Variants in PCDH9 observed in about 807,000 individuals in gnomAD.
The protein encoded by PCDH9 is protocadherin 9.
PCDH9 carries 24 observed loss-of-function variants against 70.6 expected under a neutral mutation model. The ratio of observed to expected loss-of-function variants is 0.34; its 90% CI spans 0.25 to 0.48. PCDH9 has a LOEUF of 0.48. Among genes scored for constraint, PCDH9 ranks in the 20% least tolerant of loss-of-function variants. The pLI, the probability that PCDH9 is intolerant of heterozygous loss-of-function variation, is 0.99. For missense variants in PCDH9, 1,281 were observed against 1,503.6 expected (o/e 0.85, Z 2.45); for synonymous variants, 562 against 558.5 (o/e 1.01, Z -0.09).
chr13:67,070,578 A>G (rs1164708551), intron 2 of PCDH9, among the ~76,000 whole-genome samples: 3 of 152,170 alleles, frequency 2.0e-5, no homozygotes, highest in South Asian at 2.1e-4. Flanking sequence ...CAAGCAAAAC[A>G]ACTATTTTAT....
In PCDH9 at chr13:67,115,635, G is replaced by A. The variant is rs141214254; in HGVS notation, c.3036+109770C>T. Among the ~76,000 whole-genome samples the A allele has an allele frequency of 4.1e-3, 629 of 152,244 alleles. 5 individuals are homozygous for A. The highest frequency in any genetic ancestry group is 7.3e-3 in the Non-Finnish European group (496 of 68,016). On this transcript the variant is annotated intron_variant, in intron 2 of 4. Transcript: ENST00000377865. The stretch of plus-strand genomic sequence containing the variant: ...GCAAATAATTTCTATTCATAAAAAT[G>A]CAAATGTCTCCAGTGAAATGCAATT...
chr13:67,182,140 C>CTATATCCTCCT (rs1188324799), intron 2 of PCDH9, among the ~76,000 whole-genome samples: 1 of 152,164 alleles, frequency 6.6e-6, no homozygotes, highest in African/African-American at 2.4e-5. Flanking sequence ...GTATATCCTG[C>CTATATCCTCCT]TATATCCTCC....
At chr13:66,682,160 G>A (rs1180828333) in intron 3 of PCDH9, among the ~76,000 whole-genome samples, 1 of 151,666 alleles carries the variant, frequency 6.6e-6, no homozygotes, top group Non-Finnish European at 1.5e-5. Flanking sequence ...AATCTTTTTA[G>A]AGATTGTTTT....
intron 4 of PCDH9, among the ~76,000 whole-genome samples, chr13:66,562,467 C>T (rs553467634): frequency 3.9e-4 from 60 of 152,236 alleles, no homozygotes; most frequent in African/African-American, 1.1e-3. Context: ...CTCACAGTTC[C>T]GCATGGCTGG....
At chr13:66,796,300 G>C (rs1465997583) in intron 3 of PCDH9, among the ~76,000 whole-genome samples, 1 of 152,140 alleles carries the variant, frequency 6.6e-6, no homozygotes, top group Non-Finnish European at 1.5e-5. Flanking sequence ...AGAGGCTGGG[G>C]AAAAAGCAAA....
intron 2 of PCDH9, among the ~76,000 whole-genome samples, chr13:67,091,908 A>G (rs951345453): frequency 6.6e-6 from 1 of 152,122 alleles, no homozygotes; most frequent in Admixed American, 6.6e-5. Flanking sequence ...TTTAAGGATT[A>G]TTTATTATTT....
Position 66,820,951 on chromosome 13 carries a change from A to C in PCDH9, c.3138+82553T>G, listed in dbSNP as rs1040143185. Among the ~76,000 whole-genome samples the C allele has an allele frequency of 2.5e-3, 386 of 152,228 alleles. 4 individuals are homozygous for C. The highest frequency in any genetic ancestry group is 8.0e-3 in the African/African-American group (333 of 41,542). On this transcript the variant is annotated intron_variant, in intron 3 of 4. Transcript: ENST00000377865. Reference sequence around the variant, plus strand: ...AATGAACCTCCATGACACAATGTTTACCTCTGTAACAAACCTGCTCATGTT... The same window carrying C: ...AATGAACCTCCATGACACAATGTTTCCCTCTGTAACAAACCTGCTCATGTT...
At chr13:66,858,938 T>C (rs973586586) in intron 3 of PCDH9, 1 of 152,304 alleles carries the variant, frequency 6.6e-6, no homozygotes, top group Admixed American at 6.5e-5. Flanking sequence ...CTGATATCAA[T>C]TTTATGATGT....
intron 2 of PCDH9, among the ~76,000 whole-genome samples, chr13:66,926,607 C>T (rs2082721655): frequency 6.6e-6 from 1 of 152,024 alleles, no homozygotes; most frequent in Non-Finnish European, 1.5e-5. Flanking sequence ...TCCTGGAAAC[C>T]ATCCAAACAA....
In PCDH9 at chr13:66,522,036, C is replaced by CATATATAT. The variant is rs34150352; in HGVS notation, c.3340+109166_3340+109173dup. On this transcript the variant is annotated intron_variant, in intron 4 of 4. Transcript: ENST00000377865. ...AAAAAAGTATGTGTGTGTATATATA[C>CATATATAT]ATATATATATATATATAGTTTTATA... 1.9e-3 allele frequency among the ~76,000 whole-genome samples: 283 copies of CATATATAT among 145,220 alleles called. 6 individuals carry two copies. The highest frequency in any genetic ancestry group is 3.6e-3 in the Middle Eastern group (1 of 280).
chr13:66,495,572 A>G (rs1387958794), intron 4 of PCDH9, among the ~76,000 whole-genome samples: 1 of 151,878 alleles, frequency 6.6e-6, no homozygotes, highest in African/African-American at 2.4e-5. Context: ...TTTACTTGCA[A>G]AATAAATACA....
At chr13:67,157,287 T>C (rs1184503197) in intron 2 of PCDH9, among the ~76,000 whole-genome samples, 2 of 152,202 alleles carry the variant, frequency 1.3e-5, no homozygotes, top group African/African-American at 4.8e-5. Flanking sequence ...TCGGGATTTA[T>C]GTAATTTAAA....
chr13:66,605,270 T>C (rs1693096882), intron 4 of PCDH9, among the ~76,000 whole-genome samples: 2 of 152,118 alleles, frequency 1.3e-5, no homozygotes, highest in South Asian at 4.1e-4. Flanking sequence ...TGCAGTTCTA[T>C]GATAAACTCA....
intron 4 of PCDH9, among the ~76,000 whole-genome samples, chr13:66,513,170 C>T (rs565196108): frequency 2.1e-4 from 30 of 143,884 alleles, no homozygotes; most frequent in Admixed American, 1.4e-3. Context: ...TAATCTATTT[C>T]TGTTTGCCTA....
At chr13:67,179,170 G>C (rs767764962) in intron 2 of PCDH9, among the ~76,000 whole-genome samples, 17 of 152,102 alleles carry the variant, frequency 1.1e-4, no homozygotes, top group South Asian at 1.0e-3. Context: ...TAGCCACTCG[G>C]AATTAGTAAA....
chr13:67,079,387 C>T (rs945297472), intron 2 of PCDH9, among the ~76,000 whole-genome samples: 8 of 151,858 alleles, frequency 5.3e-5, no homozygotes, highest in Non-Finnish European at 8.8e-5. Context: ...AGGACTATGA[C>T]CTTCTTTTTC....
intron 2 of PCDH9, among the ~76,000 whole-genome samples, chr13:66,928,812 TA>T (rs2082757781): frequency 6.6e-6 from 1 of 152,096 alleles, no homozygotes; most frequent in African/African-American, 2.4e-5. Context: ...CAAACTAAGG[TA>T]CTTTGTTATA....
At chr13:66,322,885 T>A (rs1955779658) in intron 4 of PCDH9, among the ~76,000 whole-genome samples, 1 of 152,016 alleles carries the variant, frequency 6.6e-6, no homozygotes, top group African/African-American at 2.4e-5. Flanking sequence ...ACAAAAAAAG[T>A]ATGTTGTGGT....
At chr13:66,372,529 G>T (rs1956673820) in intron 4 of PCDH9, among the ~76,000 whole-genome samples, 1 of 151,434 alleles carries the variant, frequency 6.6e-6, no homozygotes. Context: ...TGGGTAAGAG[G>T]TTAAAATTAT....
Sources: gnomAD v4.1 joint callset for allele counts (sites outside exome capture counted in the v4.1 genomes callset) on GRCh38, gnomAD v4.1.1 for gene constraint, MANE v1.5 for transcripts, NCBI Gene and HGNC (gene_info 2026-07-23, HGNC 2026-07-21) for gene names.